Variants in SGCZ observed in about 807,000 individuals in gnomAD.
The protein encoded by SGCZ is sarcoglycan zeta, also known as zeta-sarcoglycan.
Under a neutral mutation model 41.3 loss-of-function variants are expected in SGCZ, and 40 were observed. The ratio of observed to expected loss-of-function variants is 0.97; its 90% CI spans 0.75 to 1.26. SGCZ has a LOEUF of 1.26. Among genes scored for constraint, SGCZ ranks in the 50% most tolerant of loss-of-function variants. The pLI is 0.00. For missense variants in SGCZ, 552 were observed against 369.8 expected (o/e 1.49, Z -4.04); for synonymous variants, 206 against 137.5 (o/e 1.50, Z -3.49).
At chr8:14,131,646 C>G (rs544045296) in intron 5 of SGCZ, among the ~76,000 whole-genome samples, 2 of 152,186 alleles carry the variant, frequency 1.3e-5, no homozygotes, top group South Asian at 4.1e-4. Context: ...GTTTGTTAAG[C>G]TTCTTGGACA....
chr8:15,055,766 T>A (rs1030331240), intron 1 of SGCZ, among the ~76,000 whole-genome samples: 3 of 152,216 alleles, frequency 2.0e-5, no homozygotes, highest in Non-Finnish European at 4.4e-5. Context: ...AGATGCCTAA[T>A]GAAGCTTGTG....
At chr8:14,573,754 G>C (rs898682198) in intron 1 of SGCZ, among the ~76,000 whole-genome samples, 1 of 152,052 alleles carries the variant, frequency 6.6e-6, no homozygotes, top group African/African-American at 2.4e-5. Context: ...AATATTCAAC[G>C]AATAGTATAA....
intron 3 of SGCZ, among the ~76,000 whole-genome samples, chr8:14,280,334 A>G (rs966330926): frequency 6.6e-6 from 1 of 151,880 alleles, no homozygotes; most frequent in East Asian, 1.9e-4. Flanking sequence ...TGTCATATAT[A>G]TAACAGCAGA....
At chr8:14,770,974 T>C (rs1800216951) in intron 1 of SGCZ, among the ~76,000 whole-genome samples, 2 of 152,106 alleles carry the variant, frequency 1.3e-5, no homozygotes, top group Admixed American at 6.6e-5. Context: ...GGAAGAAAAA[T>C]AGCTTTTACA....
chr8:15,062,437 G>T (rs1804970649), intron 1 of SGCZ, among the ~76,000 whole-genome samples: 1 of 151,974 alleles, frequency 6.6e-6, no homozygotes, highest in African/African-American at 2.4e-5. Flanking sequence ...AGAAAAAGAG[G>T]CCCACCACTT....
At chr8:14,334,897 G>C (rs1802458670) in intron 2 of SGCZ, among the ~76,000 whole-genome samples, 1 of 152,086 alleles carries the variant, frequency 6.6e-6, no homozygotes, top group Admixed American at 6.6e-5. Context: ...GTGTGTGCCT[G>C]TGTGTATTTC....
chr8:14,513,673 A>G (rs2117081490), intron 2 of SGCZ, among the ~76,000 whole-genome samples: 1 of 152,180 alleles, frequency 6.6e-6, no homozygotes, highest in Admixed American at 6.6e-5. Context: ...TAGTGATTTA[A>G]TAGGAAATAA....
At chr8:14,355,784 AG>A (rs1257476644) in intron 2 of SGCZ, among the ~76,000 whole-genome samples, 1 of 152,080 alleles carries the variant, frequency 6.6e-6, no homozygotes, top group Non-Finnish European at 1.5e-5. Context: ...GGATTATCCA[AG>A]GAAATAGGCA....
chr8:14,093,423 C>G (rs1160407352), intron 7 of SGCZ, among the ~76,000 whole-genome samples: 1 of 152,102 alleles, frequency 6.6e-6, no homozygotes, highest in Non-Finnish European at 1.5e-5. Flanking sequence ...CCCAAAGGCC[C>G]TACCTACAAG....
chr8:14,549,906 T>A (rs1178296138), intron 2 of SGCZ, among the ~76,000 whole-genome samples: 1 of 152,054 alleles, frequency 6.6e-6, no homozygotes, highest in Non-Finnish European at 1.5e-5. Flanking sequence ...AATTAATTGT[T>A]AAGAGTTAAG....
intron 1 of SGCZ, among the ~76,000 whole-genome samples, chr8:14,967,384 C>T (rs529948900): frequency 7.9e-4 from 120 of 152,262 alleles, no homozygotes; most frequent in African/African-American, 2.8e-3. Flanking sequence ...CATCAACCTT[C>T]CCTATTTCCA....
At chr8:14,400,984 C>G (rs998096690) in intron 2 of SGCZ, among the ~76,000 whole-genome samples, 3 of 152,002 alleles carry the variant, frequency 2.0e-5, no homozygotes, top group African/African-American at 4.8e-5. Flanking sequence ...TATGTGAAGT[C>G]CTAACAATCA....
intron 1 of SGCZ, among the ~76,000 whole-genome samples, chr8:15,206,240 A>C (rs1801058520): frequency 6.6e-6 from 1 of 152,138 alleles, no homozygotes; most frequent in Non-Finnish European, 1.5e-5. Context: ...GGGCCACGGT[A>C]GTCAGGGAAG....
intron 4 of SGCZ, among the ~76,000 whole-genome samples, chr8:14,206,100 T>A (rs1475213152): frequency 1.3e-5 from 2 of 152,128 alleles, no homozygotes; most frequent in African/African-American, 2.4e-5. Context: ...CAAAAAAATA[T>A]ATTTTGATGT....
intron 2 of SGCZ, among the ~76,000 whole-genome samples, chr8:14,522,874 CAA>C (rs932115162): frequency 6.6e-6 from 1 of 151,620 alleles, no homozygotes; most frequent in African/African-American, 2.4e-5. Flanking sequence ...ATTTTCTTCT[CAA>C]TATTATTTTA....
chr8:14,247,591 TG>T (rs1258318684), intron 3 of SGCZ, among the ~76,000 whole-genome samples: 1 of 152,240 alleles, frequency 6.6e-6, no homozygotes, highest in African/African-American at 2.4e-5. Flanking sequence ...CAGACACTGC[TG>T]TTGCTTTAGT....
At chr8:14,678,124 T>C (rs1016101937) in intron 1 of SGCZ, among the ~76,000 whole-genome samples, 3 of 152,174 alleles carry the variant, frequency 2.0e-5, no homozygotes, top group Admixed American at 6.5e-5. Context: ...GATGAGCTTT[T>C]GTTTGGCAAT....
At chr8:14,272,647 G>T (rs1032288925) in intron 3 of SGCZ, among the ~76,000 whole-genome samples, 1 of 152,148 alleles carries the variant, frequency 6.6e-6, no homozygotes, top group Non-Finnish European at 1.5e-5. Context: ...GTGTCCTGGT[G>T]TGTAGAATAA....
intron 2 of SGCZ, among the ~76,000 whole-genome samples, chr8:14,335,915 C>G (rs557521802): frequency 6.6e-6 from 1 of 152,076 alleles, no homozygotes; most frequent in South Asian, 2.1e-4. Context: ...TTTTTACAAC[C>G]GTATTTTTTA....
Sources: gnomAD v4.1 joint callset for allele counts (sites outside exome capture counted in the v4.1 genomes callset) on GRCh38, gnomAD v4.1.1 for gene constraint, MANE v1.5 for transcripts, NCBI Gene and HGNC (gene_info 2026-07-23, HGNC 2026-07-21) for gene names.